COL6A3: variants seen among roughly 807,000 people sequenced by gnomAD.
COL6A3 encodes the protein collagen type VI alpha 3 chain.
COL6A3 carries 137 observed loss-of-function variants against 274.1 expected under a neutral mutation model. The ratio of observed to expected loss-of-function variants is 0.50; its 90% CI spans 0.44 to 0.58. The LOEUF (loss-of-function observed/expected upper bound fraction) is 0.58. COL6A3 is among the 20% of genes least tolerant of loss of function. The pLI is 0.00. For missense variants in COL6A3, 3,950 were observed against 4,124.9 expected (o/e 0.96, Z 1.16); for synonymous variants, 1,650 against 1,650.6 (o/e 1.00, Z 0.01).
At position 237,378,690 on chromosome 2, in the gene COL6A3, G is replaced by A; in HGVS notation, c.2443C>T (p.Pro815Ser). 1 of 1,613,620 alleles carries A rather than the reference G, an allele frequency of 6.2e-7. No homozygotes were observed. The highest frequency in any genetic ancestry group is 2.2e-5 in the East Asian group (1 of 44,892). Residue 815 changes from proline (P) to serine (S), a missense_variant, in exon 6 of 44, where the codon CCC becomes TCC. Pro to Ser is a moderately conservative substitution (Grantham distance 74). Transcript: ENST00000295550. ...CCTCCACTAACATATGTGGTTAGGG[G>A]CTGAATCAGCTGCTGAGGCAAAGCT... is the stretch of plus-strand genomic sequence containing the variant. ...LPALPQQLIQ[P>S]LTTYVSGGVE...
At chr2:237,342,575 G>T in intron 36 of COL6A3, 1 of 193,968 alleles carries the variant, frequency 5.2e-6, no homozygotes, top group Non-Finnish European at 1.1e-5. Flanking sequence ...TCTCAGGTGT[G>T]GTTAAAGCAA....
In COL6A3 at chr2:237,413,144, A is replaced by T. The variant is rs1408538425; in HGVS notation, c.-31+809T>A. On this transcript the variant is annotated intron_variant, in intron 1 of 43. Transcript: ENST00000295550. The surrounding 1 kb of genome is among the most constrained non-coding windows in gnomAD (Gnocchi z 4.0). ...AGCCCCACCCTGCATCCTCCGGGCC[A>T]GAGAACAGCCCTCGGGGCCTCCCAG... Among the ~76,000 whole-genome samples the T allele has an allele frequency of 1.3e-5, 2 of 152,214 alleles. No homozygotes were observed. Among genetic ancestry groups the T allele is most frequent in the Non-Finnish European group, 2.9e-5 (2 of 68,024 alleles).
chr2:237,374,697 C>T lies in COL6A3; in HGVS notation c.3394G>A (p.Val1132Met). The T allele has an allele frequency of 6.2e-7, 1 of 1,613,724 alleles. No individual in the cohort carries two copies. The highest frequency in any genetic ancestry group is 8.5e-7 in the Non-Finnish European group (1 of 1,179,708). ...SSAGSRITEG[V>M]PQLLIVLTAD... ...GTGAGGACGATCAGCAGCTGGGGCA[C>T]ACCTTCTGTTATCCTGCTTCCCGCA... Residue 1132 changes from valine to methionine, a missense_variant, in exon 8 of 44, where the codon GTG (valine) becomes ATG (methionine). This residue lies in a region of COL6A3 where 1,934 missense variants were observed against 1,984.3 expected (regional missense o/e 0.97). Transcript: ENST00000295550. This position sits in a 1 kb window ranked among gnomAD's most constrained non-coding sequence, Gnocchi z 4.8.
chr2:237,348,269 A>G, intron 30 of COL6A3, 80 bp downstream of exon 30: 10 of 1,217,518 alleles, frequency 8.2e-6, no homozygotes, highest in Non-Finnish European at 1.2e-5. Flanking sequence ...TAATGCCAAG[A>G]TATTCTGATT....
At chr2:237,354,564 C>A (rs1162871444) in intron 24 of COL6A3, among the ~76,000 whole-genome samples, 1 of 152,132 alleles carries the variant, frequency 6.6e-6, no homozygotes, top group African/African-American at 2.4e-5. Context: ...TGTCTCTTAT[C>A]TACCTATGAC....
chr2:237,405,884 A>T (rs2078706458), intron 1 of COL6A3, among the ~76,000 whole-genome samples: 1 of 152,002 alleles, frequency 6.6e-6, no homozygotes, highest in African/African-American at 2.4e-5. Flanking sequence ...TCATTCTTTC[A>T]AATATGAAAA....
intron 42 of COL6A3, chr2:237,333,092 T>C: frequency 3.0e-6 from 1 of 331,394 alleles, no homozygotes; most frequent in East Asian, 6.9e-5. Context: ...GTTTTTTTAT[T>C]AGATTAAATC....
At position 237,387,981 on chromosome 2, in the gene COL6A3, C is replaced by T. The variant is rs564041158; in HGVS notation, c.913G>A (p.Val305Ile). 1.7e-4 allele frequency: 271 copies of T among 1,614,216 alleles called. 1 individual carries two copies. In the South Asian group the frequency reaches 2.8e-3, roughly 17 times the overall value. ...SLDTYSTKAQ[V>I]LGAVKALGFA... is the part of the protein sequence containing the mutation. ...CCGAGGGCTTTCACTGCACCCAGAA[C>T]CTGGGCCTTGGTGGAGTAGGTGTCC... Residue 305 changes from valine (V) to isoleucine (I), a missense_variant, in exon 4 of 44, where the codon GTT (valine) becomes ATT (isoleucine). Transcript: ENST00000295550.
intron 25 of COL6A3, among the ~76,000 whole-genome samples, chr2:237,352,831 T>A (rs182452411): frequency 2.6e-5 from 4 of 152,336 alleles, no homozygotes. Flanking sequence ...AGGAGAATCT[T>A]CACAGAAGCA....
Position 237,365,876 on chromosome 2 carries a change from A to G in COL6A3, c.5660T>C (p.Val1887Ala). ...CSGGRSPTVR[V>A]SVVANTPSGP... is the part of the protein sequence containing the mutation. ...CGAGGGCGTGTTGGCCACCACTGAC[A>G]CACGCACGGTGGGCGAGCGGCCACC... The change falls in exon 12 of 44, where the codon GTG (valine) becomes GCG (alanine). Residue 1887 changes from valine (V) to alanine (A), a missense_variant. Around this residue, in one of 5 missense-constraint regions of COL6A3, gnomAD observed 632 missense variants for 623.4 expected, o/e 1.01. Coordinates refer to ENST00000295550, the MANE Select transcript of COL6A3 (RefSeq NM_004369.4). 1 of 1,614,192 alleles carries G rather than the reference A, an allele frequency of 6.2e-7. No homozygotes were observed. The highest frequency in any genetic ancestry group is 8.5e-7 in the Non-Finnish European group (1 of 1,180,030).
At chr2:237,365,059 G>A (rs539693039) in intron 12 of COL6A3, among the ~76,000 whole-genome samples, 5 of 149,902 alleles carry the variant, frequency 3.3e-5, no homozygotes, top group African/African-American at 1.2e-4. Flanking sequence ...AGGTAATTAA[G>A]GTTAATGAGA....
intron 9 of COL6A3, among the ~76,000 whole-genome samples, chr2:237,370,454 G>A (rs1256568129): frequency 2.0e-5 from 3 of 151,774 alleles, no homozygotes; most frequent in Non-Finnish European, 4.4e-5. Context: ...GACCAGGCTG[G>A]TCTCGAACTC....
At chr2:237,380,193 G>C (rs2077966460) in intron 5 of COL6A3, among the ~76,000 whole-genome samples, 1 of 152,122 alleles carries the variant, frequency 6.6e-6, no homozygotes, top group Non-Finnish European at 1.5e-5. Context: ...AGGCAGCATG[G>C]GTCATGCCTG....
chr2:237,348,393 G>A lies in COL6A3; in HGVS notation c.6931-9C>T, dbSNP rs773760134. On this transcript the variant is annotated splice_polypyrimidine_tract_variant and intron_variant, in intron 29 of 43. Transcript: ENST00000295550. Reference sequence around the variant, plus strand: ...GGGAATCCTCTTTCTCCCTATAAAGGAAAAATAGATTATTTAATACTTGGT... The same window carrying A: ...GGGAATCCTCTTTCTCCCTATAAAGAAAAAATAGATTATTTAATACTTGGT... 1.3e-6 allele frequency: 2 copies of A among 1,589,912 alleles called. No individual in the cohort carries two copies.
At chr2:237,403,498 A>G (rs2078644467) in intron 1 of COL6A3, among the ~76,000 whole-genome samples, 1 of 152,182 alleles carries the variant, frequency 6.6e-6, no homozygotes, top group Non-Finnish European at 1.5e-5. Context: ...ATGCATCAAC[A>G]GTGAGAAAGG....
At chr2:237,332,319 C>G (rs539538745) in intron 42 of COL6A3, among the ~76,000 whole-genome samples, 50 of 151,614 alleles carry the variant, frequency 3.3e-4, no homozygotes, top group Non-Finnish European at 6.0e-4. Context: ...CTCAATGAAG[C>G]ACTAAATTGG....
chr2:237,330,679 G>A (rs1700184111), intron 42 of COL6A3, among the ~76,000 whole-genome samples: 1 of 152,128 alleles, frequency 6.6e-6, no homozygotes, highest in African/African-American at 2.4e-5. Flanking sequence ...CAGATCTTAT[G>A]GAGGACAAAA....
At chr2:237,405,178 C>T (rs181478037) in intron 1 of COL6A3, among the ~76,000 whole-genome samples, 1 of 152,142 alleles carries the variant, frequency 6.6e-6, no homozygotes, top group Non-Finnish European at 1.5e-5. Context: ...TATGGTTTGA[C>T]TGAGCTGAAT....
At chr2:237,376,164 G>T (rs2077833933) in intron 7 of COL6A3, among the ~76,000 whole-genome samples, 1 of 152,174 alleles carries the variant, frequency 6.6e-6, no homozygotes, top group Non-Finnish European at 1.5e-5. Context: ...GTAATCAAAG[G>T]AGAGGCTCTG....
Sources: gnomAD v4.1 joint callset for allele counts (sites outside exome capture counted in the v4.1 genomes callset) on GRCh38, gnomAD v4.1.1 for gene constraint, gnomAD v4.1.1 regional missense constraint, Gnocchi (gnomAD v3.1) non-coding constraint, MANE v1.5 for transcripts, NCBI Gene and HGNC (gene_info 2026-07-23, HGNC 2026-07-21) for gene names.